SLC23A2: variants seen among roughly 807,000 people sequenced by gnomAD.
SLC23A2 encodes Na(+)/L-ascorbic acid transporter 2.
In SLC23A2, 36 loss-of-function variants were observed where a neutral mutation model predicts 73.3. That is an observed-to-expected ratio of 0.49 (90% CI 0.38 to 0.65). The LOEUF (loss-of-function observed/expected upper bound fraction) is 0.65, where lower values mean the gene tolerates loss of function less well. Ranked by LOEUF, SLC23A2 falls within the 30% of genes least tolerant of loss-of-function variation. The pLI, the probability that SLC23A2 is intolerant of heterozygous loss-of-function variation, is 0.00. For missense variants in SLC23A2, 507 were observed against 841.6 expected, an observed-to-expected ratio of 0.60 and a Z score of 4.92; for synonymous variants, 343 against 327.3, an observed-to-expected ratio of 1.05 and a Z score of -0.52.
intron 5 of SLC23A2, among the ~76,000 whole-genome samples, chr20:4,901,037 C>T (rs1160881058): frequency 2.0e-5 from 3 of 152,148 alleles, no homozygotes; most frequent in Non-Finnish European, 4.4e-5. Flanking sequence ...CAGGGTTTCC[C>T]ACTCCTATCT....
chr20:5,007,354 A>G (rs1353602625), intron 1 of SLC23A2, among the ~76,000 whole-genome samples: 1 of 152,098 alleles, frequency 6.6e-6, no homozygotes. Context: ...AACACAGTGA[A>G]ACCCTGTCTC....
intron 3 of SLC23A2, among the ~76,000 whole-genome samples, chr20:4,919,078 T>C (rs1469561962): frequency 1.3e-5 from 2 of 152,226 alleles, no homozygotes; most frequent in Non-Finnish European, 2.9e-5. Context: ...TTCAATATTA[T>C]TAGAAATTTC....
chr20:5,006,252 C>T (rs1473681693), upstream of SLC23A2, among the ~76,000 whole-genome samples: 5 of 151,610 alleles, frequency 3.3e-5, no homozygotes, highest in South Asian at 2.1e-4. Context: ...CGCCTGCCAC[C>T]GCACCCAGCT....
At chr20:5,002,002 A>G (rs1405255547), upstream of SLC23A2, among the ~76,000 whole-genome samples, 1 of 152,106 alleles carries the variant, frequency 6.6e-6, no homozygotes, top group African/African-American at 2.4e-5. Flanking sequence ...TACCTCATGC[A>G]GAGATCGTAA....
chr20:4,944,400 G>A (rs551419791), intron 2 of SLC23A2, among the ~76,000 whole-genome samples: 25 of 152,150 alleles, frequency 1.6e-4, no homozygotes, highest in East Asian at 1.2e-3. Flanking sequence ...CACCACACCC[G>A]GCTAATTTTT....
At chr20:4,932,362 T>C (rs1430835910) in intron 3 of SLC23A2, 93 bp downstream of exon 3, 7 of 803,482 alleles carry the variant, frequency 8.7e-6, no homozygotes, top group Non-Finnish European at 1.6e-5. Flanking sequence ...TAACCTTCAC[T>C]GAAAACATGA....
At chr20:4,938,853 TC>T (rs926516814) in intron 2 of SLC23A2, among the ~76,000 whole-genome samples, 2 of 152,090 alleles carry the variant, frequency 1.3e-5, no homozygotes, top group African/African-American at 4.8e-5. Flanking sequence ...GCTCATGCCA[TC>T]CCTCCAAAAT....
At chr20:4,989,407 G>C (rs2087888599) in intron 1 of SLC23A2, among the ~76,000 whole-genome samples, 1 of 151,958 alleles carries the variant, frequency 6.6e-6, no homozygotes, top group African/African-American at 2.4e-5. Flanking sequence ...TATATATATA[G>C]TGAGATATCT....
intron 2 of SLC23A2, among the ~76,000 whole-genome samples, chr20:4,953,715 C>T (rs2087238603): frequency 6.6e-6 from 1 of 152,070 alleles, no homozygotes; most frequent in African/African-American, 2.4e-5. Context: ...ATGATGAAAC[C>T]CCATCTCTAC....
At chr20:4,922,050 C>T (rs947119044) in intron 3 of SLC23A2, among the ~76,000 whole-genome samples, 8 of 152,150 alleles carry the variant, frequency 5.3e-5, no homozygotes, top group African/African-American at 1.9e-4. Context: ...CAAGAATGAA[C>T]TTTTTCTCCA....
chr20:4,949,864 C>T lies in SLC23A2; in HGVS notation c.-154-17148G>A, dbSNP rs147821042. Among the ~76,000 whole-genome samples, 18 of 152,314 alleles carry T rather than the reference C, an allele frequency of 1.2e-4. No individual in the cohort carries two copies. The East Asian group carries it at 3.3e-3, about 28-fold the overall frequency. ...CCTTACCTTCAAAGTGAAACTCCAC[C>T]CTTCCACAGAAATGTCCTCTAATCA... On this transcript the variant is annotated intron_variant, in intron 2 of 16. Transcript: ENST00000338244.
In SLC23A2 at chr20:4,863,840, C is replaced by T. The variant is rs748312021; in HGVS notation, c.1357-933G>A. ...ACCCAAATGCTCCTCTGAAAAGCAT[C>T]CCAACTCCAGGACTATTCCCCCATT... On this transcript the variant is annotated intron_variant, in intron 13 of 16. Coordinates refer to ENST00000338244, the MANE Select transcript of SLC23A2 (RefSeq NM_005116.6). The surrounding 1 kb of genome is among the most constrained non-coding windows in gnomAD (Gnocchi z 4.8). 1.3e-5 allele frequency among the ~76,000 whole-genome samples: 2 copies of T among 152,214 alleles called. No individual in the cohort carries two copies. The highest frequency in any genetic ancestry group is 2.9e-5 in the Non-Finnish European group (2 of 68,046).
chr20:4,925,583 C>T (rs555445387), intron 3 of SLC23A2, among the ~76,000 whole-genome samples: 2 of 152,246 alleles, frequency 1.3e-5, no homozygotes, highest in Middle Eastern at 3.4e-3. Flanking sequence ...ACCTGGACTG[C>T]GTAAGCACCC....
intron 1 of SLC23A2, among the ~76,000 whole-genome samples, chr20:4,994,662 G>A (rs191307354): frequency 7.9e-5 from 12 of 152,074 alleles, no homozygotes; most frequent in African/African-American, 1.7e-4. Flanking sequence ...TCAGGAGGCC[G>A]AGGCAGAAGA....
In SLC23A2 at chr20:4,863,605, T is replaced by C. The variant is rs1243741318; in HGVS notation, c.1357-698A>G. On this transcript the variant is annotated intron_variant, in intron 13 of 16. Coordinates refer to ENST00000338244, the MANE Select transcript of SLC23A2 (RefSeq NM_005116.6). This position sits in a 1 kb window ranked among gnomAD's most constrained non-coding sequence, Gnocchi z 4.8. ...TGGGCCTGCTGCCACTGGCCTTTCC[T>C]GCACCCATTCCATGGGGCCACGGGG... Among the ~76,000 whole-genome samples, 1 of 152,208 alleles carries C rather than the reference T, an allele frequency of 6.6e-6. No individual in the cohort carries two copies. The highest frequency in any genetic ancestry group is 2.4e-5 in the African/African-American group (1 of 41,452).
At chr20:4,929,576 A>T (rs1275022582) in intron 3 of SLC23A2, among the ~76,000 whole-genome samples, 1 of 152,254 alleles carries the variant, frequency 6.6e-6, no homozygotes, top group Non-Finnish European at 1.5e-5. Flanking sequence ...AGATGGAAAG[A>T]GAACTAGGGA....
At chr20:4,992,154 A>G (rs993146284) in intron 1 of SLC23A2, among the ~76,000 whole-genome samples, 1 of 152,304 alleles carries the variant, frequency 6.6e-6, no homozygotes, top group Admixed American at 6.5e-5. Flanking sequence ...AAAACACTGG[A>G]GTAAAAACTG....
Position 4,857,948 on chromosome 20 carries a change from AAACAAAACAAAC to A in SLC23A2, c.1721-756_1721-745del. Among the ~76,000 whole-genome samples the A allele has an allele frequency of 6.6e-6, 1 of 150,602 alleles. No homozygotes were observed. The highest frequency in any genetic ancestry group is 2.5e-5 in the African/African-American group (1 of 39,962). On this transcript the variant is annotated intron_variant, in intron 16 of 16. Transcript: ENST00000338244. This position sits in a 1 kb window ranked among gnomAD's most constrained non-coding sequence, Gnocchi z 4.0. ...TCTGTCTTAAAAACAAAACAAAACA[AAACAAAACAAAC>A]AACAAAACACACAAAACAAACTCTG...
At chr20:4,859,266 TG>T in intron 16 of SLC23A2, 22 bp downstream of exon 16, 2 of 1,273,416 alleles carry the variant, frequency 1.6e-6, no homozygotes, top group Non-Finnish European at 2.2e-6. Context: ...AAAAAAAAAG[TG>T]TGTTTGATAT....
Sources: allele counts gnomAD v4.1 joint callset (sites outside exome capture counted in the v4.1 genomes callset), GRCh38; gene constraint gnomAD v4.1.1; non-coding constraint Gnocchi (gnomAD v3.1); transcripts MANE v1.5; gene names NCBI Gene and HGNC (gene_info 2026-07-23, HGNC 2026-07-21).